LRP12: variants seen among roughly 807,000 people sequenced by gnomAD.
LRP12 encodes LDL receptor related protein 12.
A neutral mutation model predicts 66.0 loss-of-function variants in LRP12; 14 were observed. The observed-to-expected ratio is 0.21, with a 90% CI of 0.14 to 0.33. LRP12 has a LOEUF of 0.33. Ranked by LOEUF, LRP12 falls within the 10% of genes least tolerant of loss-of-function variation. The pLI, the probability that LRP12 is intolerant of heterozygous loss-of-function variation, is 1.00. For missense variants in LRP12, 889 were observed against 1,053.4 expected (o/e 0.84, Z 2.16); for synonymous variants, 357 against 359.1 (o/e 0.99, Z 0.07).
chr8:104,570,032 TA>T (rs1390222302), intron 1 of LRP12, among the ~76,000 whole-genome samples: 4 of 152,086 alleles, frequency 2.6e-5, no homozygotes, highest in African/African-American at 9.6e-5. Context: ...TTAAAAGCAA[TA>T]TTATTTCCTA....
chr8:104,553,895 T>C (rs1811764134), intron 1 of LRP12, among the ~76,000 whole-genome samples: 2 of 152,182 alleles, frequency 1.3e-5, no homozygotes, highest in African/African-American at 4.8e-5. Flanking sequence ...CCATGTTATG[T>C]TCACTGGAAA....
chr8:104,516,879 G>A (rs1811078197), intron 2 of LRP12, among the ~76,000 whole-genome samples: 1 of 151,900 alleles, frequency 6.6e-6, no homozygotes, highest in African/African-American at 2.4e-5. Flanking sequence ...TACTGTCAAA[G>A]AAAAAGTATA....
Position 104,491,068 on chromosome 8 carries a change from C to A in LRP12, c.2185G>T (p.Ala729Ser). 6.2e-7 allele frequency: 1 copy of A among 1,614,152 alleles called. No homozygotes were observed. Among genetic ancestry groups the A allele is most frequent in the South Asian group, 1.1e-5 (1 of 91,068 alleles). ...AGCCCCTGAGTCATACGACTGAGTG[C>A]ACTTGTAAGCTGGTGACGTGCTGGA... ...VSPARHQLTS[A>S]LSRMTQGLRW... Residue 729 changes from alanine (A) to serine (S), a missense_variant, in exon 7 of 7, where the codon GCA becomes TCA. By Grantham distance (99) the Ala-to-Ser change is moderately conservative (BLOSUM62 1). Around this residue, in one of 3 missense-constraint regions of LRP12, gnomAD observed 800 missense variants for 964.5 expected, o/e 0.83. Coordinates refer to ENST00000276654, the MANE Select transcript of LRP12 (RefSeq NM_013437.5).
Position 104,532,409 on chromosome 8 carries a change from A to T in LRP12, c.80-446T>A, listed in dbSNP as rs140248955. 3.2e-3 allele frequency among the ~76,000 whole-genome samples: 493 copies of T among 152,138 alleles called. 5 individuals carry two copies. Among genetic ancestry groups the T allele is most frequent in the African/African-American group, 0.011 (471 of 41,534 alleles). On this transcript the variant is annotated intron_variant, in intron 1 of 6. Transcript: ENST00000276654. ...AAAAAAAGTCTTGCATTGTCTTCTA[A>T]ATCTTCAAAAAAATCTTTCAAATTT...
At chr8:104,547,025 T>C (rs1811575664) in intron 1 of LRP12, among the ~76,000 whole-genome samples, 3 of 145,704 alleles carry the variant, frequency 2.1e-5, no homozygotes, top group Admixed American at 7.0e-5. Flanking sequence ...ATATAATATA[T>C]AATTATAAAT....
In LRP12 at chr8:104,491,099, A is replaced by G. The variant is rs767538267; in HGVS notation, c.2154T>C (p.Ser718=). The G allele has an allele frequency of 7.4e-6, 12 of 1,613,906 alleles. No individual in the cohort carries two copies. Among genetic ancestry groups the G allele is most frequent in the Non-Finnish European group, 1.0e-5 (12 of 1,179,992 alleles). ...GRDVTSVEPP[S]VSPARHQLTS... is the part of the protein sequence containing the mutation. ...TAAGCTGGTGACGTGCTGGACTCACACTTGGGGGTTCCACACTTGTCACAT... is the reference window on the plus strand; with the variant it reads ...TAAGCTGGTGACGTGCTGGACTCACGCTTGGGGGTTCCACACTTGTCACAT... The change falls in exon 7 of 7, where the codon AGT becomes AGC. Residue 718 remains serine (S), a synonymous_variant. Transcript: ENST00000276654.
At chr8:104,569,213 T>G (rs913810713) in intron 1 of LRP12, among the ~76,000 whole-genome samples, 1 of 152,122 alleles carries the variant, frequency 6.6e-6, no homozygotes, top group Non-Finnish European at 1.5e-5. Flanking sequence ...ATGCCCAGAA[T>G]AGGCAAATCC....
intron 1 of LRP12, among the ~76,000 whole-genome samples, chr8:104,571,486 G>C (rs1335715274): frequency 6.6e-6 from 1 of 152,176 alleles, no homozygotes; most frequent in Non-Finnish European, 1.5e-5. Flanking sequence ...AATTGTGAGT[G>C]AGTTCTCATG....
intron 1 of LRP12, 58 bp downstream of exon 1, chr8:104,588,761 G>A: frequency 5.2e-6 from 8 of 1,534,344 alleles, no homozygotes; most frequent in Non-Finnish European, 7.1e-6. Flanking sequence ...GGAGGCCTCG[G>A]GGCCCGGGTC....
In LRP12 at chr8:104,548,303, TA is replaced by T. The variant is rs1476231975; in HGVS notation, c.80-16341del. 1.4e-4 allele frequency among the ~76,000 whole-genome samples: 5 copies of T among 35,752 alleles called. 1 individual carries two copies. The highest frequency in any genetic ancestry group is 7.5e-4 in the African/African-American group (3 of 3,980). The allele number at this position is 35,752 out of a possible 152,430, so 23.5% of individuals were successfully genotyped here. On this transcript the variant is annotated intron_variant, in intron 1 of 6. Coordinates refer to ENST00000276654, the MANE Select transcript of LRP12 (RefSeq NM_013437.5). ...ATTAATATATCATATATTTATATAA[TA>T]TATATTATATAAATATATAATATAT...
intron 1 of LRP12, among the ~76,000 whole-genome samples, chr8:104,578,250 A>C (rs540836701): frequency 3.3e-5 from 5 of 152,322 alleles, no homozygotes; most frequent in Admixed American, 3.3e-4. Context: ...TCATCAGAGA[A>C]TGTTGCAAAC....
chr8:104,508,352 A>G (rs1174346300), intron 3 of LRP12: 2 of 152,314 alleles, frequency 1.3e-5, no homozygotes, highest in East Asian at 3.9e-4. Flanking sequence ...TGTCACATTC[A>G]TTCTTAGAAT....
chr8:104,519,297 T>C (rs1035037268), intron 2 of LRP12, among the ~76,000 whole-genome samples: 1 of 152,028 alleles, frequency 6.6e-6, no homozygotes. Flanking sequence ...GGGACAGAGA[T>C]TGAACATGAG....
At chr8:104,526,833 G>A (rs1285309292) in intron 2 of LRP12, among the ~76,000 whole-genome samples, 1 of 143,588 alleles carries the variant, frequency 7.0e-6, no homozygotes, top group East Asian at 2.0e-4. Flanking sequence ...TTGACAAATG[G>A]GATCTAATTA....
At chr8:104,543,169 C>T (rs973766148) in intron 1 of LRP12, among the ~76,000 whole-genome samples, 1 of 151,930 alleles carries the variant, frequency 6.6e-6, no homozygotes, top group Non-Finnish European at 1.5e-5. Context: ...CTTTATGATA[C>T]TTTGCAGATA....
chr8:104,580,609 C>T (rs1812235964), intron 1 of LRP12, among the ~76,000 whole-genome samples: 1 of 151,744 alleles, frequency 6.6e-6, no homozygotes, highest in Non-Finnish European at 1.5e-5. Flanking sequence ...GAAAAAAACC[C>T]ATTGAAAACT....
Position 104,498,048 on chromosome 8 carries a change from A to G in LRP12, c.504T>C (p.Cys168=), listed in dbSNP as rs199973741. Residue 168 remains cysteine (C), a synonymous_variant, in exon 5 of 7, where the codon TGT becomes TGC. Transcript: ENST00000276654. ...TTCCATTACCACAACGAAACTGATC[A>G]CAAGCACAATTTGGTTCCTCAGATT... The part of the protein sequence containing the change: ...SGKSEEPNCA[C]DQFRCGNGKC... 35 of 1,604,144 alleles carry G rather than the reference A, an allele frequency of 2.2e-5. No homozygotes were observed. Among genetic ancestry groups the G allele is most frequent in the Middle Eastern group, 1.7e-4 (1 of 6,008 alleles).
At position 104,547,049 on chromosome 8, in the gene LRP12, ATAT is replaced by A. The variant is rs760910460; in HGVS notation, c.80-15089_80-15087del. 1.1e-4 allele frequency among the ~76,000 whole-genome samples: 16 copies of A among 143,264 alleles called. No homozygotes were observed. In the East Asian group the frequency reaches 1.6e-3, roughly 14 times the overall value. 94.0% of individuals were successfully genotyped at this position (143,264 alleles called of 152,430 possible). On this transcript the variant is annotated intron_variant, in intron 1 of 6. Transcript: ENST00000276654. ...ATAATTATAAATAATATACAATTCT[ATAT>A]TATATCATACTTTGTATACAATATA...
At chr8:104,531,342 T>C (rs931221793) in intron 2 of LRP12, among the ~76,000 whole-genome samples, 1 of 152,126 alleles carries the variant, frequency 6.6e-6, no homozygotes, top group Non-Finnish European at 1.5e-5. Flanking sequence ...TATAAGTCTT[T>C]AAGTAATTAT....
Sources: gnomAD v4.1 joint callset for allele counts (sites outside exome capture counted in the v4.1 genomes callset) on GRCh38, gnomAD v4.1.1 for gene constraint, gnomAD v4.1.1 regional missense constraint, MANE v1.5 for transcripts, NCBI Gene and HGNC (gene_info 2026-07-23, HGNC 2026-07-21) for gene names.